The following KDM6A variants were observed in gnomAD, a reference collection of about 807,000 sequenced individuals.
KDM6A encodes the protein lysine-specific demethylase 6A.
In KDM6A, 11 loss-of-function variants were observed where a neutral mutation model predicts 117.6. That is an observed-to-expected ratio of 0.09 (90% CI 0.06 to 0.15). KDM6A has a LOEUF of 0.15. KDM6A is among the 10% of genes least tolerant of loss of function. The probability of loss-of-function intolerance (pLI) is 1.00; values close to 1 mark genes in which losing one functional copy is unlikely to be tolerated. For missense variants in KDM6A, 799 were observed against 1,077.3 expected (o/e 0.74, Z 3.62); for synonymous variants, 384 against 396.1 (o/e 0.97, Z 0.36).
chrX:45,000,154 TG>T lies in KDM6A; in HGVS notation c.385-10806del, dbSNP rs1240231084. The stretch of plus-strand genomic sequence containing the variant: ...TGTTTTCCCCAGCCATCTGGCTAGT[TG>T]CCCCTAGTTGTTCAGCTATTCCTTT... On this transcript the variant is annotated intron_variant, in intron 4 of 29. Transcript: ENST00000611820. Among the ~76,000 whole-genome samples the T allele has an allele frequency of 6.2e-5, 7 of 112,346 alleles. No individual in the cohort carries two copies. In the Admixed American group the frequency reaches 6.6e-4, roughly 11 times the overall value.
intron 2 of KDM6A, among the ~76,000 whole-genome samples, chrX:44,914,916 A>G (rs781705324): frequency 9.0e-6 from 1 of 111,129 alleles, no homozygotes; most frequent in Non-Finnish European, 1.9e-5. Context: ...ACTGTCTTAC[A>G]CTATTTTCTT....
intron 17 of KDM6A, 106 bp downstream of exon 17, chrX:45,063,923 T>A: frequency 1.2e-6 from 1 of 812,007 alleles, no homozygotes; most frequent in Non-Finnish European, 1.8e-6. Context: ...ACTGGTTTTA[T>A]AAGAATTTTG....
chrX:45,021,934 A>T (rs936790348), intron 6 of KDM6A, among the ~76,000 whole-genome samples: 1 of 112,152 alleles, frequency 8.9e-6, no homozygotes, highest in Non-Finnish European at 1.9e-5. Flanking sequence ...TATGAACTGG[A>T]AAATAAGTTT....
chrX:44,984,203 T>C (rs1184943291), intron 4 of KDM6A, among the ~76,000 whole-genome samples: 2 of 110,825 alleles, frequency 1.8e-5, no homozygotes, highest in African/African-American at 6.7e-5. Context: ...GCTGCATAAA[T>C]GTCTTCTTTT....
At chrX:44,940,821 C>T (rs1174070788) in intron 2 of KDM6A, among the ~76,000 whole-genome samples, 1 of 111,363 alleles carries the variant, frequency 9.0e-6, no homozygotes, top group African/African-American at 3.3e-5. Context: ...GGATCACCTG[C>T]GGTCGGGAGT....
chrX:45,042,527 T>C (rs2043317447), intron 8 of KDM6A, among the ~76,000 whole-genome samples: 1 of 111,495 alleles, frequency 9.0e-6, no homozygotes, highest in Admixed American at 9.4e-5. Flanking sequence ...TTTTTATAGT[T>C]CCACCAATTT....
intron 19 of KDM6A, among the ~76,000 whole-genome samples, chrX:45,078,071 G>C (rs1281265360): frequency 8.9e-6 from 1 of 112,111 alleles, no homozygotes; most frequent in Non-Finnish European, 1.9e-5. Flanking sequence ...ATGTCCTCAA[G>C]ATTCATCCAT....
At chrX:45,093,374 CAAAA>C (rs370028474) in intron 27 of KDM6A, among the ~76,000 whole-genome samples, 1 of 85,830 alleles carries the variant, frequency 1.2e-5, no homozygotes, top group African/African-American at 4.0e-5. Context: ...GACTCTCTCT[CAAAA>C]AAAAAACAAA....
chrX:44,936,626 A>T (rs1415696764), intron 2 of KDM6A, among the ~76,000 whole-genome samples: 1 of 112,131 alleles, frequency 8.9e-6, no homozygotes, highest in Non-Finnish European at 1.9e-5. Flanking sequence ...GCTTGGGACC[A>T]GAAGTGTTTC....
In KDM6A at chrX:45,034,949, G is replaced by A. The variant is rs374342798; in HGVS notation, c.583G>A (p.Val195Ile). The part of the protein sequence containing the change: ...SSLKHFQLAL[V>I]DCNPCTLSNA... ...CTTGCAGCATTTTCAGTTAGCTTTG[G>A]TTGACTGTAATCCCTGCACTTTGTC... Residue 195 changes from valine to isoleucine, a missense_variant, in exon 7 of 30, where the codon GTT becomes ATT. Transcript: ENST00000611820. 2.7e-5 allele frequency: 33 copies of A among 1,205,952 alleles called. No homozygotes were observed. The highest frequency in any genetic ancestry group is 3.4e-5 in the Non-Finnish European group (30 of 891,552).
intron 4 of KDM6A, among the ~76,000 whole-genome samples, chrX:44,999,580 T>G (rs944720388): frequency 2.7e-5 from 3 of 111,764 alleles, no homozygotes; most frequent in African/African-American, 9.8e-5. Context: ...GAAGTTAAGT[T>G]TAAAAGTAGA....
At position 45,058,890 on chromosome X, in the gene KDM6A, T is replaced by C. The variant is rs187977679; in HGVS notation, c.876-116T>C. The C allele has an allele frequency of 5.1e-5, 29 of 565,935 alleles. 1 individual carries two copies. The East Asian group carries it at 1.0e-3, about 20-fold the overall frequency. 46.6% of individuals were successfully genotyped at this position (565,935 alleles called of 1,213,427 possible). ...ATACATACACATAAATATATTAACTTATTAGGGTTTTAAAAAAATTTGCTG... is the reference window on the plus strand; with the variant it reads ...ATACATACACATAAATATATTAACTCATTAGGGTTTTAAAAAAATTTGCTG... On this transcript the variant is annotated intron_variant, in intron 10 of 29. Transcript: ENST00000611820.
chrX:45,077,159 A>G (rs1478455640), intron 19 of KDM6A, among the ~76,000 whole-genome samples: 1 of 110,113 alleles, frequency 9.1e-6, no homozygotes, highest in Non-Finnish European at 1.9e-5. Flanking sequence ...AGTTATGTGG[A>G]CCTTAACATT....
At position 44,919,641 on chromosome X, in the gene KDM6A, C is replaced by CTTT. The variant is rs1204126878; in HGVS notation, c.226-41628_226-41626dup. Among the ~76,000 whole-genome samples, 798 of 91,534 alleles carry CTTT rather than the reference C, an allele frequency of 8.7e-3. 24 individuals carry two copies. Among genetic ancestry groups the CTTT allele is most frequent in the African/African-American group, 0.032 (740 of 22,802 alleles). The allele number at this position is 91,534 out of a possible 115,157, so 79.5% of individuals were successfully genotyped here. The stretch of plus-strand genomic sequence containing the variant: ...CATTTACATTCATTTCAATATATAT[C>CTTT]TTTTTTTTTTTTTTTTTGAGATGGG... On this transcript the variant is annotated intron_variant, in intron 2 of 29. Coordinates refer to ENST00000611820, the MANE Select transcript of KDM6A (RefSeq NM_001291415.2).
rs115529715 is a variant in KDM6A at position 45,045,638 on chromosome X, C to A, written c.655-6071C>A. On this transcript the variant is annotated intron_variant, in intron 8 of 29. Transcript: ENST00000611820. ...AAATCATACAATATTTGTGCTTTTG[C>A]ATCTGACTTATTTCACTTAGCATAA... Among the ~76,000 whole-genome samples the A allele has an allele frequency of 7.5e-3, 818 of 108,440 alleles. 14 individuals carry two copies. The highest frequency in any genetic ancestry group is 0.026 in the African/African-American group (783 of 29,718). The allele number at this position is 108,440 out of a possible 115,157, so 94.2% of individuals were successfully genotyped here.
chrX:44,974,251 T>G (rs1284136335), intron 3 of KDM6A, among the ~76,000 whole-genome samples: 1 of 111,581 alleles, frequency 9.0e-6, no homozygotes, highest in South Asian at 3.7e-4. Flanking sequence ...CAATTGCTTC[T>G]CAAATAGTTT....
intron 25 of KDM6A, 97 bp from the exon 26 acceptor site, chrX:45,089,646 A>T: frequency 1.7e-6 from 1 of 593,751 alleles, no homozygotes; most frequent in Non-Finnish European, 2.8e-6. Context: ...TAAAATGAAC[A>T]AGTGTTTATT....
chrX:45,067,715 C>T (rs1230399196), intron 17 of KDM6A, among the ~76,000 whole-genome samples: 2 of 95,945 alleles, frequency 2.1e-5, no homozygotes, highest in African/African-American at 4.2e-5. Flanking sequence ...TGCAGTGGTG[C>T]GATCTTGGCT....
chrX:44,997,826 C>G (rs928743952), intron 4 of KDM6A, among the ~76,000 whole-genome samples: 1 of 111,786 alleles, frequency 8.9e-6, no homozygotes, highest in African/African-American at 3.3e-5. Context: ...GGAATTTGCC[C>G]GATTAAGGAG....
Sources: gnomAD v4.1 joint callset for allele counts (sites outside exome capture counted in the v4.1 genomes callset) on GRCh38, gnomAD v4.1.1 for gene constraint, MANE v1.5 for transcripts, NCBI Gene and HGNC (gene_info 2026-07-23, HGNC 2026-07-21) for gene names.